Variants in CYP19A1 observed in about 807,000 individuals in gnomAD.
CYP19A1 encodes cytochrome P450 family 19 subfamily A member 1.
Under a neutral mutation model 44.4 loss-of-function variants are expected in CYP19A1, and 32 were observed. That is an observed-to-expected ratio of 0.72 (90% CI 0.54 to 0.97). The LOEUF (loss-of-function observed/expected upper bound fraction) is 0.97, where lower values mean the gene tolerates loss of function less well. CYP19A1 is among the 50% of genes least tolerant of loss of function. The probability of loss-of-function intolerance (pLI) is 0.00; values close to 1 mark genes in which losing one functional copy is unlikely to be tolerated. For synonymous variants in CYP19A1, 212 were observed against 215.6 expected, an observed-to-expected ratio of 0.98 and a Z score of 0.14; for missense variants, 598 against 637.8, an observed-to-expected ratio of 0.94 and a Z score of 0.67.
At chr15:51,223,590 C>CTCTT (rs796909005) in intron 4 of CYP19A1, among the ~76,000 whole-genome samples, 2 of 109,480 alleles carry the variant, frequency 1.8e-5, no homozygotes, top group Non-Finnish European at 3.9e-5. Flanking sequence ...CTCTCTCTCT[C>CTCTT]TCTCACACAC....
At chr15:51,289,454 C>T (rs887981780) in intron 1 of CYP19A1, among the ~76,000 whole-genome samples, 1 of 152,176 alleles carries the variant, frequency 6.6e-6, no homozygotes, top group African/African-American at 2.4e-5. Flanking sequence ...CCCACACTCT[C>T]ACCCACAGGG....
Position 51,210,568 on chromosome 15 carries a change from G to A in CYP19A1, c.*240C>T, listed in dbSNP as rs1379933476. On this transcript the variant is annotated 3_prime_UTR_variant, in exon 10 of 10. Coordinates refer to ENST00000396402, the MANE Select transcript of CYP19A1 (RefSeq NM_000103.4). ...TCTTTATGGATACGGTTTCTTCACC[G>A]ACTATTTCTCCCTCAAACTCTTGGC... The A allele has an allele frequency of 1.4e-5, 9 of 655,302 alleles. No homozygotes were observed. The African/African-American group carries it at 1.4e-4, about 10-fold the overall frequency. The allele number at this position is 655,302 out of a possible 1,614,324, so 40.6% of individuals were successfully genotyped here.
chr15:51,214,994 G>A (rs2031422689), intron 8 of CYP19A1, 76 bp downstream of exon 8: 4 of 1,542,692 alleles, frequency 2.6e-6, no homozygotes, highest in Admixed American at 4.0e-5. Context: ...TTTGATATCA[G>A]ATTCTTAGGA....
chr15:51,259,299 G>A (rs946362517), intron 1 of CYP19A1, among the ~76,000 whole-genome samples: 4 of 152,076 alleles, frequency 2.6e-5, no homozygotes, highest in African/African-American at 9.7e-5. Flanking sequence ...TCAGTTCCTG[G>A]CATACACTAC....
At chr15:51,239,607 G>A (rs2141114005) in intron 2 of CYP19A1, among the ~76,000 whole-genome samples, 1 of 151,968 alleles carries the variant, frequency 6.6e-6, no homozygotes, top group Non-Finnish European at 1.5e-5. Flanking sequence ...TGTATTCTCT[G>A]GGATGTGAAA....
chr15:51,233,802 A>G (rs1056402192), intron 3 of CYP19A1, among the ~76,000 whole-genome samples: 4 of 152,194 alleles, frequency 2.6e-5, no homozygotes, highest in Non-Finnish European at 5.9e-5. Context: ...TATAATGGAC[A>G]TATAGTGTCA....
chr15:51,237,057 T>A, intron 2 of CYP19A1, 48 bp from the exon 3 acceptor site: 1 of 1,609,444 alleles, frequency 6.2e-7, no homozygotes, highest in Non-Finnish European at 8.5e-7. Context: ...ACACCAAAAA[T>A]TGCAACTGTT....
At chr15:51,260,701 C>T (rs1158848113) in intron 1 of CYP19A1, among the ~76,000 whole-genome samples, 2 of 152,140 alleles carry the variant, frequency 1.3e-5, no homozygotes, top group Non-Finnish European at 2.9e-5. Context: ...TCACACCCGG[C>T]CAATCAGGTA....
At chr15:51,248,952 G>C (rs113555685) in intron 1 of CYP19A1, among the ~76,000 whole-genome samples, 1 of 137,340 alleles carries the variant, frequency 7.3e-6, no homozygotes, top group Non-Finnish European at 1.6e-5. Flanking sequence ...TTTTTTTTTA[G>C]ACAGAGTCTT....
chr15:51,223,593 T>TCTCTCTCTCACACACACACACA (rs1356666512), intron 4 of CYP19A1, among the ~76,000 whole-genome samples: 14 of 90,146 alleles, frequency 1.6e-4, no homozygotes, highest in Non-Finnish European at 2.4e-4. Flanking sequence ...TCTCTCTCTC[T>TCTCTCTCTCACACACACACACA]CACACACACA....
intron 1 of CYP19A1, among the ~76,000 whole-genome samples, chr15:51,322,856 T>C (rs28757087): frequency 0.011 from 1,684 of 152,340 alleles, 38 homozygotes; most frequent in African/African-American, 0.038. Flanking sequence ...GTCCATAACC[T>C]GTGATCCCAT....
At chr15:51,269,590 TGACA>T (rs1226396452) in intron 1 of CYP19A1, among the ~76,000 whole-genome samples, 1 of 152,110 alleles carries the variant, frequency 6.6e-6, no homozygotes, top group Non-Finnish European at 1.5e-5. Context: ...GGAGCATAGT[TGACA>T]GTTCCACCCT....
At chr15:51,307,156 G>C (rs12900137) in intron 1 of CYP19A1, among the ~76,000 whole-genome samples, 23,566 of 152,058 alleles carry the variant, frequency 0.15, 3,457 homozygotes, top group African/African-American at 0.38. Context: ...GTGCCATGAA[G>C]ATCCATGATT....
chr15:51,213,519 C>T (rs568271542), intron 8 of CYP19A1, among the ~76,000 whole-genome samples: 1 of 152,154 alleles, frequency 6.6e-6, no homozygotes, highest in African/African-American at 2.4e-5. Flanking sequence ...TCTAATGGGG[C>T]CTGTATAGCT....
chr15:51,309,545 A>C, intron 1 of CYP19A1, among the ~76,000 whole-genome samples: 1 of 152,228 alleles, frequency 6.6e-6, no homozygotes, highest in East Asian at 1.9e-4. Flanking sequence ...CTGGAGCCCC[A>C]AAACAGACTG....
At chr15:51,212,180 C>T (rs193200627) in intron 9 of CYP19A1, 140 bp downstream of exon 9, 39 of 756,336 alleles carry the variant, frequency 5.2e-5, no homozygotes, top group South Asian at 1.7e-4. Flanking sequence ...AGCTAGGGGA[C>T]GTGTGTGCTC....
chr15:51,305,753 G>C (rs1256075992), intron 1 of CYP19A1, among the ~76,000 whole-genome samples: 1 of 152,152 alleles, frequency 6.6e-6, no homozygotes, highest in East Asian at 1.9e-4. Context: ...TAGAAACGGG[G>C]TTTCACTATG....
intron 1 of CYP19A1, among the ~76,000 whole-genome samples, chr15:51,268,182 T>C (rs185326592): frequency 1.3e-5 from 2 of 152,290 alleles, no homozygotes; most frequent in Admixed American, 1.3e-4. Flanking sequence ...CTCTAACATA[T>C]ACACATGCAC....
At chr15:51,254,267 T>G (rs2034434640) in intron 1 of CYP19A1, among the ~76,000 whole-genome samples, 1 of 152,166 alleles carries the variant, frequency 6.6e-6, no homozygotes, top group South Asian at 2.1e-4. Flanking sequence ...TTTTAAAATT[T>G]TTCATCTAAT....
Sources: gnomAD v4.1 joint callset for allele counts (sites outside exome capture counted in the v4.1 genomes callset) on GRCh38, gnomAD v4.1.1 for gene constraint, MANE v1.5 for transcripts, NCBI Gene and HGNC (gene_info 2026-07-23, HGNC 2026-07-21) for gene names.